Variants in RFC3 observed in about 807,000 individuals in gnomAD.
RFC3 encodes replication factor C subunit 3.
A neutral mutation model predicts 45.1 loss-of-function variants in RFC3; 41 were observed. The observed-to-expected ratio is 0.91, with a 90% CI of 0.71 to 1.18. RFC3 has a LOEUF of 1.18. Ranked by LOEUF, RFC3 falls within the 50% of genes most tolerant of loss-of-function variation. The pLI is 0.00. For missense variants in RFC3, 423 were observed against 428.1 expected, an observed-to-expected ratio of 0.99 and a Z score of 0.10; for synonymous variants, 149 against 144.0, an observed-to-expected ratio of 1.03 and a Z score of -0.25.
At chr13:33,918,706 C>T (rs1227293716) in intron 8 of RFC3, among the ~76,000 whole-genome samples, 2 of 152,028 alleles carry the variant, frequency 1.3e-5, no homozygotes, top group African/African-American at 4.8e-5. Context: ...CGACAAAAAC[C>T]GCCCGACAGG....
intron 8 of RFC3, among the ~76,000 whole-genome samples, chr13:33,873,559 C>T (rs1324428994): frequency 1.3e-5 from 2 of 152,124 alleles, no homozygotes; most frequent in Non-Finnish European, 2.9e-5. Context: ...TTTAGGGTAA[C>T]AAACTGACAG....
At chr13:33,888,461 G>C (rs1404779310) in intron 8 of RFC3, among the ~76,000 whole-genome samples, 1 of 148,740 alleles carries the variant, frequency 6.7e-6, no homozygotes, top group Non-Finnish European at 1.5e-5. Flanking sequence ...TTGAATTGCA[G>C]TTAAATATCT....
chr13:33,822,673 C>T (rs1206932873), intron 2 of RFC3, among the ~76,000 whole-genome samples: 2 of 152,024 alleles, frequency 1.3e-5, no homozygotes, highest in African/African-American at 2.4e-5. Flanking sequence ...CCAGAGAAAA[C>T]GAAGTTGAGT....
intron 8 of RFC3, among the ~76,000 whole-genome samples, chr13:33,878,942 T>A (rs913086402): frequency 1.3e-5 from 2 of 152,112 alleles, no homozygotes; most frequent in African/African-American, 4.8e-5. Context: ...CAGGCAAGCA[T>A]AAAAGGGGAT....
At chr13:33,964,473 A>C (rs35448585) in intron 8 of RFC3, among the ~76,000 whole-genome samples, 53 of 152,164 alleles carry the variant, frequency 3.5e-4, no homozygotes, top group Non-Finnish European at 5.4e-4. Flanking sequence ...AGAGTTTCAC[A>C]AGGTTGATTT....
intron 8 of RFC3, among the ~76,000 whole-genome samples, chr13:33,870,169 C>T (rs1349385697): frequency 2.0e-5 from 3 of 152,164 alleles, no homozygotes; most frequent in Non-Finnish European, 4.4e-5. Context: ...ATGAACAGCT[C>T]AGCTTCATAA....
At chr13:33,822,953 A>G (rs1465767297) in intron 2 of RFC3, among the ~76,000 whole-genome samples, 1 of 152,194 alleles carries the variant, frequency 6.6e-6, no homozygotes, top group Non-Finnish European at 1.5e-5. Context: ...AGAGATTTTT[A>G]CAAATTGGCA....
At chr13:33,881,249 A>G (rs1325247714) in intron 8 of RFC3, among the ~76,000 whole-genome samples, 3 of 152,232 alleles carry the variant, frequency 2.0e-5, no homozygotes, top group Non-Finnish European at 4.4e-5. Flanking sequence ...CTGATCAACC[A>G]AAGCTACTCC....
intron 8 of RFC3, among the ~76,000 whole-genome samples, chr13:33,962,517 A>C (rs2083063409): frequency 6.6e-6 from 1 of 152,194 alleles, no homozygotes; most frequent in Admixed American, 6.5e-5. Context: ...ACAAATAGTC[A>C]CAGCTTTTAC....
At chr13:33,968,829 G>C (rs190526800), downstream of RFC3, among the ~76,000 whole-genome samples, 6 of 152,260 alleles carry the variant, frequency 3.9e-5, no homozygotes, top group South Asian at 2.1e-4. Context: ...GGAAGTTCTG[G>C]TTATTAAAGA....
chr13:33,957,672 A>G (rs539108816), intron 8 of RFC3, among the ~76,000 whole-genome samples: 2 of 152,110 alleles, frequency 1.3e-5, no homozygotes, highest in East Asian at 3.9e-4. Context: ...TTAGACAAAC[A>G]TGTCACTGTG....
chr13:33,943,071 G>A (rs1011921695), intron 8 of RFC3, among the ~76,000 whole-genome samples: 2 of 152,008 alleles, frequency 1.3e-5, no homozygotes, highest in Non-Finnish European at 2.9e-5. Flanking sequence ...TTTAGTCAAG[G>A]CCTTTAACAA....
chr13:33,922,942 G>A (rs2082778799), intron 8 of RFC3, among the ~76,000 whole-genome samples: 1 of 152,070 alleles, frequency 6.6e-6, no homozygotes, highest in Non-Finnish European at 1.5e-5. Context: ...ATTGCAGCTG[G>A]CATACAGTAA....
chr13:33,861,125 T>C (rs2082338282), intron 8 of RFC3, among the ~76,000 whole-genome samples: 1 of 152,108 alleles, frequency 6.6e-6, no homozygotes, highest in South Asian at 2.1e-4. Flanking sequence ...AAGTGAAATA[T>C]ACTAGTTAAA....
intron 8 of RFC3, among the ~76,000 whole-genome samples, chr13:33,925,061 ATATATAGTGTACTATATACACG>A (rs1301108656): frequency 0.021 from 3,090 of 147,564 alleles, 146 homozygotes; most frequent in African/African-American, 0.072. Flanking sequence ...ATATATACAC[ATATATAGTGTACTATATACACG>A]CATATATAGT....
chr13:33,859,384 A>G (rs2082326611), intron 8 of RFC3, among the ~76,000 whole-genome samples: 1 of 152,044 alleles, frequency 6.6e-6, no homozygotes, highest in South Asian at 2.1e-4. Flanking sequence ...ATGCCCAATA[A>G]TGAAAACTAG....
intron 8 of RFC3, among the ~76,000 whole-genome samples, chr13:33,900,113 G>T (rs907943862): frequency 2.6e-5 from 4 of 151,726 alleles, no homozygotes; most frequent in African/African-American, 9.7e-5. Context: ...TCAAAGAAAT[G>T]TACAGAATCA....
intron 8 of RFC3, chr13:33,835,511 A>T: frequency 1.7e-6 from 1 of 573,190 alleles, no homozygotes; most frequent in South Asian, 1.5e-5. Context: ...AGGTGCAGGG[A>T]TGATAATGGA....
chr13:33,846,848 CAT>C (rs1336597733), intron 8 of RFC3: 1 of 152,276 alleles, frequency 6.6e-6, no homozygotes, highest in Non-Finnish European at 1.5e-5. Context: ...TGGGTTCTGT[CAT>C]GTGTTGCTCT....
Sources: allele counts gnomAD v4.1 joint callset (sites outside exome capture counted in the v4.1 genomes callset), GRCh38; gene constraint gnomAD v4.1.1; transcripts MANE v1.5; gene names NCBI Gene and HGNC (gene_info 2026-07-23, HGNC 2026-07-21).